FOXP1: variants seen among roughly 807,000 people sequenced by gnomAD.
FOXP1 encodes the protein forkhead box P1, also known as forkhead box protein P1.
A neutral mutation model predicts 98.2 loss-of-function variants in FOXP1; 15 were observed. That is an observed-to-expected ratio of 0.15 (90% CI 0.10 to 0.24). The LOEUF (loss-of-function observed/expected upper bound fraction) is 0.24. FOXP1 is among the 10% of genes least tolerant of loss of function. FOXP1 has a pLI of 1.00. For synonymous variants in FOXP1, 371 were observed against 314.5 expected, an observed-to-expected ratio of 1.18 and a Z score of -1.90; for missense variants, 633 against 848.5, an observed-to-expected ratio of 0.75 and a Z score of 3.15.
intron 5 of FOXP1, among the ~76,000 whole-genome samples, chr3:71,224,252 G>A (rs891842019): frequency 2.6e-5 from 4 of 152,144 alleles, no homozygotes; most frequent in Admixed American, 6.5e-5. Flanking sequence ...GCTCAGTTAC[G>A]TCTAGGATGC....
intron 2 of FOXP1, among the ~76,000 whole-genome samples, chr3:71,494,135 C>T (rs375329486): frequency 6.6e-6 from 1 of 151,968 alleles, no homozygotes; most frequent in Non-Finnish European, 1.5e-5. Context: ...ACATACGGTG[C>T]GATGGTCAGG....
intron 3 of FOXP1, among the ~76,000 whole-genome samples, chr3:71,462,801 T>C (rs1453590681): frequency 1.3e-5 from 2 of 152,216 alleles, no homozygotes; most frequent in African/African-American, 4.8e-5. Flanking sequence ...TGTAGCTTCA[T>C]CTGGTCCAGA....
intron 6 of FOXP1, among the ~76,000 whole-genome samples, chr3:71,147,500 T>G (rs2060366619): frequency 6.6e-6 from 1 of 152,204 alleles, no homozygotes; most frequent in Admixed American, 6.5e-5. Context: ...TAGCTGATCT[T>G]ATCACCTCAG....
intron 2 of FOXP1, among the ~76,000 whole-genome samples, chr3:71,522,697 G>GAAAAAAAGAAA: frequency 6.6e-6 from 1 of 152,066 alleles, no homozygotes; most frequent in Non-Finnish European, 1.5e-5. Context: ...TGCCAATCAT[G>GAAAAAAAGAAA]CACTGATGTC....
At chr3:71,293,403 G>C (rs897077681) in intron 5 of FOXP1, among the ~76,000 whole-genome samples, 30 of 151,982 alleles carry the variant, frequency 2.0e-4, no homozygotes, top group African/African-American at 7.3e-4. Flanking sequence ...GGAGTTCGGG[G>C]CTGCAGTAAG....
At chr3:71,470,704 C>T (rs891843489) in intron 3 of FOXP1, among the ~76,000 whole-genome samples, 11 of 152,126 alleles carry the variant, frequency 7.2e-5, no homozygotes, top group Non-Finnish European at 1.6e-4. Context: ...CACCACTGCC[C>T]TCCAGCCTGG....
At chr3:71,323,426 A>G (rs1641188487) in intron 4 of FOXP1, among the ~76,000 whole-genome samples, 1 of 152,120 alleles carries the variant, frequency 6.6e-6, no homozygotes, top group South Asian at 2.1e-4. Context: ...ATTTTGGTAG[A>G]CGTTTCTAAG....
At chr3:71,323,960 T>C (rs1019597380) in intron 4 of FOXP1, among the ~76,000 whole-genome samples, 1 of 152,138 alleles carries the variant, frequency 6.6e-6, no homozygotes, top group Admixed American at 6.6e-5. Flanking sequence ...ATTTCCTAAT[T>C]AGTAAAAGGA....
In FOXP1 at chr3:71,103,472, G is replaced by A. The variant is rs934308020; in HGVS notation, c.282+9064C>T. Among the ~76,000 whole-genome samples the A allele has an allele frequency of 3.9e-5, 6 of 152,330 alleles. No homozygotes were observed. In the Middle Eastern group the frequency reaches 0.01, roughly 259 times the overall value. ...ATATGCACAACCTCTGTCTCACCGTGTTGTGTGGTCAGCTGGCTTTCCTGA... is the reference window on the plus strand; with the variant it reads ...ATATGCACAACCTCTGTCTCACCGTATTGTGTGGTCAGCTGGCTTTCCTGA... On this transcript the variant is annotated intron_variant, in intron 7 of 20. Coordinates refer to ENST00000649528, the MANE Select transcript of FOXP1 (RefSeq NM_001349338.3).
At chr3:71,391,683 C>G (rs2081045571) in intron 3 of FOXP1, among the ~76,000 whole-genome samples, 1 of 152,236 alleles carries the variant, frequency 6.6e-6, no homozygotes, top group South Asian at 2.1e-4. Flanking sequence ...TGCCCACTAA[C>G]TCTCAGCATT....
At chr3:71,462,214 G>A (rs991670915) in intron 3 of FOXP1, among the ~76,000 whole-genome samples, 1 of 152,078 alleles carries the variant, frequency 6.6e-6, no homozygotes, top group African/African-American at 2.4e-5. Flanking sequence ...ACTCATCAGG[G>A]TAAAAAATGG....
intron 11 of FOXP1, among the ~76,000 whole-genome samples, chr3:71,023,615 T>C (rs530317540): frequency 4.1e-4 from 62 of 152,342 alleles, no homozygotes; most frequent in African/African-American, 1.4e-3. Flanking sequence ...TTTTAGTTCT[T>C]ATCACATTTC....
Position 71,237,817 on chromosome 3 carries a change from G to A in FOXP1, c.-11-39425C>T, listed in dbSNP as rs529633352. ...CATTCTGTCACCTGTCAAGATAACA[G>A]TAAGGAAGGCTTCAATCAAAGGGAA... is the stretch of plus-strand genomic sequence containing the variant. On this transcript the variant is annotated intron_variant, in intron 5 of 20. Transcript: ENST00000649528. 3.3e-5 allele frequency among the ~76,000 whole-genome samples: 5 copies of A among 152,300 alleles called. No homozygotes were observed. The East Asian group carries it at 9.6e-4, about 29-fold the overall frequency.
intron 12 of FOXP1, among the ~76,000 whole-genome samples, chr3:71,012,687 G>A (rs549210162): frequency 1.3e-5 from 2 of 151,878 alleles, no homozygotes; most frequent in Admixed American, 6.6e-5. Flanking sequence ...TATTTGTATC[G>A]GGTCCATAAA....
chr3:71,104,860 A>G lies in FOXP1; in HGVS notation c.282+7676T>C, dbSNP rs1050924541. Among the ~76,000 whole-genome samples, 6 of 152,190 alleles carry G rather than the reference A, an allele frequency of 3.9e-5. No individual in the cohort carries two copies. The South Asian group carries it at 8.3e-4, about 21-fold the overall frequency. ...TGATACATCTTTCTGTCAGATATGA[A>G]TGATGTTTCTGGAGCATTAATATGT... is the stretch of plus-strand genomic sequence containing the variant. On this transcript the variant is annotated intron_variant, in intron 7 of 20. Coordinates refer to ENST00000649528, the MANE Select transcript of FOXP1 (RefSeq NM_001349338.3).
intron 4 of FOXP1, among the ~76,000 whole-genome samples, chr3:71,330,815 A>T (rs2076246477): frequency 6.6e-6 from 1 of 152,280 alleles, no homozygotes; most frequent in Non-Finnish European, 1.5e-5. Context: ...GAGTTTGCAG[A>T]AGCACAGTTT....
At chr3:71,161,423 T>C (rs1002909074) in intron 6 of FOXP1, among the ~76,000 whole-genome samples, 3 of 152,124 alleles carry the variant, frequency 2.0e-5, no homozygotes, top group Non-Finnish European at 4.4e-5. Context: ...CATTCAGCCA[T>C]TTGGCCCAAG....
At chr3:71,069,210 T>G (rs1356190289) in intron 7 of FOXP1, among the ~76,000 whole-genome samples, 2 of 152,238 alleles carry the variant, frequency 1.3e-5, no homozygotes, top group Non-Finnish European at 2.9e-5. Flanking sequence ...GCCATTTGCA[T>G]TTTCATGTAA....
intron 4 of FOXP1, among the ~76,000 whole-genome samples, chr3:71,345,831 C>A (rs1367460995): frequency 3.3e-5 from 4 of 120,406 alleles, no homozygotes; most frequent in Non-Finnish European, 4.8e-5. Context: ...CGGGCAGGGA[C>A]TACCGATAGG....
Sources: gnomAD v4.1 joint callset for allele counts (sites outside exome capture counted in the v4.1 genomes callset) on GRCh38, gnomAD v4.1.1 for gene constraint, MANE v1.5 for transcripts, NCBI Gene and HGNC (gene_info 2026-07-23, HGNC 2026-07-21) for gene names.